The following CACNA2D4 variants were observed in gnomAD, a reference collection of about 807,000 sequenced individuals.
CACNA2D4 encodes calcium voltage-gated channel auxiliary subunit alpha2delta 4.
In CACNA2D4, 157 loss-of-function variants were observed where a neutral mutation model predicts 163.8. The observed-to-expected ratio is 0.96, with a 90% confidence interval of 0.84 to 1.09. The LOEUF (loss-of-function observed/expected upper bound fraction) is 1.09, where lower values mean the gene tolerates loss of function less well. Among genes scored for constraint, CACNA2D4 ranks in the 50% least tolerant of loss-of-function variants. The pLI is 0.00. For missense variants in CACNA2D4, 1,410 were observed against 1,479.9 expected, an observed-to-expected ratio of 0.95 and a Z score of 0.78; for synonymous variants, 598 against 586.9, an observed-to-expected ratio of 1.02 and a Z score of -0.27.
intron 12 of CACNA2D4, 151 bp downstream of exon 12, chr12:1,884,092 T>C (rs12298882): frequency 0.21 from 125,266 of 591,930 alleles, 18,518 homozygotes; most frequent in East Asian, 0.51. Context: ...TTTCCAAATA[T>C]GAAGGAGGGA....
chr12:1,809,870 A>G (rs1244003733), intron 29 of CACNA2D4, among the ~76,000 whole-genome samples: 3 of 151,988 alleles, frequency 2.0e-5, no homozygotes, highest in Non-Finnish European at 2.9e-5. Context: ...GGGCCCCACA[A>G]TGGTAGAAAG....
intron 18 of CACNA2D4, among the ~76,000 whole-genome samples, chr12:1,865,732 T>TGAGGGGAGCCGGG (rs1865637643): frequency 2.0e-5 from 3 of 152,180 alleles, no homozygotes; most frequent in Non-Finnish European, 4.4e-5. Flanking sequence ...GGGGAGCCGG[T>TGAGGGGAGCCGGG]GTGTGGGGAA....
At chr12:1,860,273 C>T (rs2154448557) in intron 18 of CACNA2D4, 67 bp from the exon 19 acceptor site, 1 of 1,251,272 alleles carries the variant, frequency 8.0e-7, no homozygotes, top group African/African-American at 1.5e-5. Flanking sequence ...CACCTCGCCC[C>T]CAGGGCTCTT....
intron 16 of CACNA2D4, among the ~76,000 whole-genome samples, chr12:1,876,299 A>C (rs1020418863): frequency 7.9e-5 from 12 of 152,242 alleles, no homozygotes; most frequent in African/African-American, 2.9e-4. Context: ...AGGACAGATC[A>C]GTGCTTAATA....
Position 1,795,253 on chromosome 12 carries a change from T to G in CACNA2D4, c.3309+46A>C, listed in dbSNP as rs372822362. On this transcript the variant is annotated intron_variant, in intron 37 of 37. Transcript: ENST00000382722. The stretch of plus-strand genomic sequence containing the variant: ...GGGCACAGACCCAGGCACAGAGGGT[T>G]TGGGGATGAAAATCCAGCCCACCCT... The G allele has an allele frequency of 4.3e-4, 668 of 1,553,546 alleles. 1 individual carries two copies. The highest frequency in any genetic ancestry group is 5.2e-4 in the South Asian group (46 of 87,804).
rs1864069253 is a variant in CACNA2D4 at position 1,820,815 on chromosome 12, G to A, written c.2552-9092C>T. ...GCGTTTGCAGTCAGAGTAAAGACGG[G>A]TGAGTACCGAGTGGCTGGTAGGAAG... is the stretch of plus-strand genomic sequence containing the variant. On this transcript the variant is annotated intron_variant, in intron 26 of 37. Coordinates refer to ENST00000382722, the MANE Select transcript of CACNA2D4 (RefSeq NM_172364.5). The surrounding 1 kb of genome is among the most constrained non-coding windows in gnomAD (Gnocchi z 6.0). 6.6e-6 allele frequency: 1 copy of A among 152,436 alleles called. No individual in the cohort carries two copies. The highest frequency in any genetic ancestry group is 2.1e-4 in the South Asian group (1 of 4,838). 9.4% of individuals were successfully genotyped at this position (152,436 alleles called of 1,614,324 possible).
rs777477594 is a variant in CACNA2D4, at chr12:1,834,676, C to T, written c.2551+6063G>A. 2.0e-5 allele frequency: 32 copies of T among 1,601,652 alleles called. No individual in the cohort carries two copies. In the Admixed American group the frequency reaches 2.5e-4, roughly 13 times the overall value. ...AGCGCCAGCCCCTGATGGGGGACCC[C>T]GAGGGCGAGCACGAGGACCAGAAGC... On this transcript the variant is annotated intron_variant, in intron 26 of 37. Coordinates refer to ENST00000382722, the MANE Select transcript of CACNA2D4 (RefSeq NM_172364.5). The surrounding 1 kb of genome is among the most constrained non-coding windows in gnomAD (Gnocchi z 7.6).
chr12:1,896,223 A>G (rs1003503238), intron 6 of CACNA2D4, among the ~76,000 whole-genome samples: 1 of 152,246 alleles, frequency 6.6e-6, no homozygotes, highest in Non-Finnish European at 1.5e-5. Flanking sequence ...CAACAGAAAC[A>G]AAACAAACAA....
chr12:1,898,621 T>C (rs978845228), intron 6 of CACNA2D4, among the ~76,000 whole-genome samples: 2 of 152,064 alleles, frequency 1.3e-5, no homozygotes, highest in African/African-American at 4.8e-5. Context: ...TGGCAAGGAT[T>C]TAGAAAAGTC....
chr12:1,834,864 G>A lies in CACNA2D4; in HGVS notation c.2551+5875C>T, dbSNP rs949274209. 2.5e-5 allele frequency: 35 copies of A among 1,414,636 alleles called. No individual in the cohort carries two copies. The highest frequency in any genetic ancestry group is 2.9e-5 in the Admixed American group (1 of 34,940). The allele number at this position is 1,414,636 out of a possible 1,614,324, so 87.6% of individuals were successfully genotyped here. On this transcript the variant is annotated intron_variant, in intron 26 of 37. Transcript: ENST00000382722. This position sits in a 1 kb window ranked among gnomAD's most constrained non-coding sequence, Gnocchi z 7.6. ...CGCCCTCCAGCAGACAAGCCACACC[G>A]GGTTCTCTCCCTGCACTTTCGAGGC... is the stretch of plus-strand genomic sequence containing the variant.
At chr12:1,872,864 G>A (rs770705678) in intron 18 of CACNA2D4, among the ~76,000 whole-genome samples, 1 of 152,200 alleles carries the variant, frequency 6.6e-6, no homozygotes, top group Non-Finnish European at 1.5e-5. Context: ...AGTGTTCAAG[G>A]TGGAATAGAA....
chr12:1,871,869 C>T (rs1399248078), intron 18 of CACNA2D4, among the ~76,000 whole-genome samples: 1 of 152,216 alleles, frequency 6.6e-6, no homozygotes, highest in South Asian at 2.1e-4. Flanking sequence ...CCCTTCCCTC[C>T]CCCATTGCTA....
At chr12:1,910,580 C>T (rs1866788269) in intron 3 of CACNA2D4, among the ~76,000 whole-genome samples, 1 of 152,080 alleles carries the variant, frequency 6.6e-6, no homozygotes, top group Non-Finnish European at 1.5e-5. Context: ...CGTGCCAAAG[C>T]CAAAAGGTGG....
chr12:1,795,230 G>A, intron 37 of CACNA2D4, 69 bp downstream of exon 37: 1 of 1,422,204 alleles, frequency 7.0e-7, no homozygotes, highest in Non-Finnish European at 9.8e-7. Flanking sequence ...GTCTGCAGGG[G>A]CACAGACCCA....
intron 26 of CACNA2D4, among the ~76,000 whole-genome samples, chr12:1,830,673 C>A (rs1864581252): frequency 6.6e-6 from 1 of 152,214 alleles, no homozygotes; most frequent in African/African-American, 2.4e-5. Flanking sequence ...CAGGGTCATT[C>A]TCCACTCAAG....
At chr12:1,856,929 C>A (rs1865413872) in intron 20 of CACNA2D4, among the ~76,000 whole-genome samples, 1 of 152,194 alleles carries the variant, frequency 6.6e-6, no homozygotes, top group South Asian at 2.1e-4. Flanking sequence ...CTGATGTAGA[C>A]ACAGGGCAAG....
intron 28 of CACNA2D4, 46 bp from the exon 29 acceptor site, chr12:1,810,386 C>A: frequency 6.3e-7 from 1 of 1,576,726 alleles, no homozygotes; most frequent in Non-Finnish European, 8.7e-7. Flanking sequence ...CCCTCACCCA[C>A]CCCGGTCCTC....
intron 27 of CACNA2D4, among the ~76,000 whole-genome samples, 173 bp downstream of exon 27, chr12:1,811,489 C>T (rs1055741216): frequency 2.0e-5 from 3 of 152,136 alleles, no homozygotes; most frequent in Admixed American, 6.5e-5. Context: ...TGGGGACCAG[C>T]GCTGAGGCCC....
intron 23 of CACNA2D4, among the ~76,000 whole-genome samples, chr12:1,850,909 G>A (rs968795680): frequency 6.7e-5 from 10 of 150,284 alleles, no homozygotes; most frequent in Admixed American, 6.6e-5. Context: ...AATAGATGAG[G>A]TCTTGCTCTG....
Sources: allele counts gnomAD v4.1 joint callset (sites outside exome capture counted in the v4.1 genomes callset), GRCh38; gene constraint gnomAD v4.1.1; non-coding constraint Gnocchi (gnomAD v3.1); transcripts MANE v1.5; gene names NCBI Gene and HGNC (gene_info 2026-07-23, HGNC 2026-07-21).